MACROD2: variants seen among roughly 807,000 people sequenced by gnomAD.
MACROD2 encodes mono-ADP ribosylhydrolase 2.
Under a neutral mutation model 70.4 loss-of-function variants are expected in MACROD2, and 36 were observed. That is an observed-to-expected ratio of 0.51 (90% CI 0.39 to 0.68). The LOEUF is 0.68. Among genes scored for constraint, MACROD2 ranks in the 30% least tolerant of loss-of-function variants. MACROD2 has a pLI of 0.00. For synonymous variants in MACROD2, 172 were observed against 178.8 expected (o/e 0.96, Z 0.30); for missense variants, 496 against 538.4 (o/e 0.92, Z 0.78).
In MACROD2 at chr20:14,914,777, A is replaced by T. The variant is rs190908505; in HGVS notation, c.418+229818A>T. On this transcript the variant is annotated intron_variant, in intron 5 of 17. Transcript: ENST00000684519. ...AGCTTTTGCTAGCATATGCTGTCAAACTCCTTCATGCTGCCAGACTCATCC... is the reference window on the plus strand; with the variant it reads ...AGCTTTTGCTAGCATATGCTGTCAATCTCCTTCATGCTGCCAGACTCATCC... Among the ~76,000 whole-genome samples, 575 of 152,202 alleles carry T rather than the reference A, an allele frequency of 3.8e-3. 2 individuals are homozygous for T. The highest frequency in any genetic ancestry group is 0.013 in the African/African-American group (543 of 41,524).
intron 5 of MACROD2, among the ~76,000 whole-genome samples, chr20:14,776,797 C>A (rs2072240224): frequency 6.6e-6 from 1 of 151,986 alleles, no homozygotes; most frequent in African/African-American, 2.4e-5. Flanking sequence ...AGCCAGTACC[C>A]AGTTGAGAAA....
intron 6 of MACROD2, among the ~76,000 whole-genome samples, chr20:15,402,919 T>C (rs1011526147): frequency 6.6e-6 from 1 of 152,170 alleles, no homozygotes; most frequent in Non-Finnish European, 1.5e-5. Flanking sequence ...ACTAATAATC[T>C]GAAGAGAGGT....
At chr20:15,645,328 G>C (rs889771204) in intron 8 of MACROD2, among the ~76,000 whole-genome samples, 6 of 152,130 alleles carry the variant, frequency 3.9e-5, no homozygotes, top group Non-Finnish European at 8.8e-5. Context: ...TGTTGCTTCT[G>C]TGTTTCCGTA....
chr20:14,576,416 G>A (rs868180845), intron 4 of MACROD2, among the ~76,000 whole-genome samples: 1 of 152,192 alleles, frequency 6.6e-6, no homozygotes, highest in Admixed American at 6.5e-5. Flanking sequence ...CTTTATGTGA[G>A]CCTGGTTCCC....
chr20:14,945,053 C>T (rs910304309), intron 5 of MACROD2, among the ~76,000 whole-genome samples: 2 of 152,166 alleles, frequency 1.3e-5, no homozygotes, highest in African/African-American at 2.4e-5. Flanking sequence ...TTGTGGCCAG[C>T]GTTTAAAAAT....
chr20:14,267,422 T>C (rs1294508576), intron 3 of MACROD2, among the ~76,000 whole-genome samples: 1 of 152,114 alleles, frequency 6.6e-6, no homozygotes, highest in Non-Finnish European at 1.5e-5. Context: ...ACTTAACCAA[T>C]GACGTATACA....
At chr20:14,894,927 G>T (rs2073809926) in intron 5 of MACROD2, 1 of 152,210 alleles carries the variant, frequency 6.6e-6, no homozygotes, top group South Asian at 2.1e-4. Context: ...GAAAGTAACT[G>T]ATTGATTGCA....
At chr20:15,995,670 A>T (rs1221706608) in intron 15 of MACROD2, among the ~76,000 whole-genome samples, 1,626 of 38,680 alleles carry the variant, frequency 0.042, 29 homozygotes, top group African/African-American at 0.11. Flanking sequence ...TTTTTTTTTT[A>T]ACTTTTTAAG....
intron 3 of MACROD2, among the ~76,000 whole-genome samples, chr20:14,151,049 A>G (rs1355685923): frequency 3.3e-5 from 5 of 152,250 alleles, no homozygotes; most frequent in Non-Finnish European, 7.3e-5. Flanking sequence ...CCAGAGGAAC[A>G]GAAGAAGTAA....
intron 5 of MACROD2, among the ~76,000 whole-genome samples, chr20:15,223,336 G>A (rs919312968): frequency 6.6e-6 from 1 of 152,318 alleles, no homozygotes; most frequent in East Asian, 1.9e-4. Context: ...TTTCTTGAAT[G>A]TGGAGCTGGA....
chr20:15,522,189 G>A (rs762492016), intron 8 of MACROD2, among the ~76,000 whole-genome samples: 1 of 152,132 alleles, frequency 6.6e-6, no homozygotes, highest in Non-Finnish European at 1.5e-5. Flanking sequence ...TGCTTGCATA[G>A]CCCTCATATT....
At chr20:14,356,473 A>C (rs927425371) in intron 3 of MACROD2, among the ~76,000 whole-genome samples, 2 of 146,164 alleles carry the variant, frequency 1.4e-5, no homozygotes, top group African/African-American at 5.1e-5. Context: ...GAGATGGCTC[A>C]CCTGGGGGCT....
intron 15 of MACROD2, among the ~76,000 whole-genome samples, chr20:16,029,543 T>C (rs2067124989): frequency 6.6e-6 from 1 of 151,858 alleles, no homozygotes; most frequent in South Asian, 2.1e-4. Context: ...AAAGAAAGGG[T>C]GGGTAGCCAG....
intron 3 of MACROD2, among the ~76,000 whole-genome samples, chr20:14,464,610 C>A (rs1489343829): frequency 6.6e-6 from 1 of 151,976 alleles, no homozygotes; most frequent in East Asian, 1.9e-4. Context: ...TTCTCTAGTT[C>A]TTTTAATTGT....
chr20:14,933,574 G>C (rs1222238363), intron 5 of MACROD2, among the ~76,000 whole-genome samples: 1 of 151,666 alleles, frequency 6.6e-6, no homozygotes, highest in African/African-American at 2.4e-5. Context: ...AGGCTGCAGT[G>C]AGCCATGATC....
chr20:14,802,777 TAC>T (rs11468914), intron 5 of MACROD2, among the ~76,000 whole-genome samples: 62,858 of 148,212 alleles, frequency 0.42, 15,094 homozygotes, highest in Non-Finnish European at 0.55. Flanking sequence ...CATACACACA[TAC>T]ACACACACAC....
chr20:14,861,143 C>G (rs1324114017), intron 5 of MACROD2, among the ~76,000 whole-genome samples: 1 of 152,058 alleles, frequency 6.6e-6, no homozygotes, highest in Non-Finnish European at 1.5e-5. Context: ...AAAGTGTGGG[C>G]AGCATTGAGG....
chr20:15,531,000 C>CTTT (rs10676355), intron 8 of MACROD2, among the ~76,000 whole-genome samples: 5,998 of 134,554 alleles, frequency 0.045, 185 homozygotes, highest in East Asian at 0.16. Context: ...AATAACTTCG[C>CTTT]TTTTTTTTTT....
At chr20:15,282,099 A>C (rs2146089806) in intron 6 of MACROD2, among the ~76,000 whole-genome samples, 1 of 152,322 alleles carries the variant, frequency 6.6e-6, no homozygotes, top group East Asian at 1.9e-4. Context: ...GCTGGGACTC[A>C]AGGCACCAAG....
Sources: allele counts gnomAD v4.1 joint callset (sites outside exome capture counted in the v4.1 genomes callset), GRCh38; gene constraint gnomAD v4.1.1; transcripts MANE v1.5; gene names NCBI Gene and HGNC (gene_info 2026-07-23, HGNC 2026-07-21).